MAGI2: variants seen among roughly 807,000 people sequenced by gnomAD.
MAGI2 encodes the protein membrane associated guanylate kinase, WW and PDZ domain containing 2, also known as membrane-associated guanylate kinase, WW and PDZ domain-containing protein 2.
In MAGI2, 35 loss-of-function variants were observed where a neutral mutation model predicts 133.3. The observed-to-expected ratio is 0.26, with a 90% CI of 0.20 to 0.35. The LOEUF (loss-of-function observed/expected upper bound fraction) is 0.35. MAGI2 is among the 10% of genes least tolerant of loss of function. The probability of loss-of-function intolerance (pLI) is 1.00; values close to 1 mark genes in which losing one functional copy is unlikely to be tolerated. For missense variants in MAGI2, 1,636 were observed against 1,863.4 expected (o/e 0.88, Z 2.25); for synonymous variants, 729 against 710.6 (o/e 1.03, Z -0.41).
chr7:78,595,525 A>G (rs1168811980), intron 3 of MAGI2, among the ~76,000 whole-genome samples: 2 of 152,204 alleles, frequency 1.3e-5, no homozygotes, highest in African/African-American at 4.8e-5. Context: ...TTTCAGAGAT[A>G]TTATGATCAA....
intron 1 of MAGI2, among the ~76,000 whole-genome samples, chr7:79,161,205 A>C (rs959235703): frequency 6.6e-6 from 1 of 152,028 alleles, no homozygotes; most frequent in African/African-American, 2.4e-5. Context: ...ACCCCTTTCC[A>C]GTACTATAAA....
At chr7:79,329,623 A>C (rs2129089006) in intron 1 of MAGI2, among the ~76,000 whole-genome samples, 1 of 152,326 alleles carries the variant, frequency 6.6e-6, no homozygotes. Flanking sequence ...TAATACTGGC[A>C]ATATAATTAC....
At chr7:79,087,602 A>C (rs1816635711) in intron 1 of MAGI2, among the ~76,000 whole-genome samples, 1 of 151,464 alleles carries the variant, frequency 6.6e-6, no homozygotes, top group Non-Finnish European at 1.5e-5. Context: ...TTAAAAGTGG[A>C]AGATTCTAGG....
At chr7:79,230,863 T>A (rs1297508247) in intron 1 of MAGI2, among the ~76,000 whole-genome samples, 3 of 145,172 alleles carry the variant, frequency 2.1e-5, no homozygotes, top group African/African-American at 7.6e-5. Context: ...ATGAAGTCCT[T>A]GCCCATGCCT....
At chr7:78,782,667 T>A (rs1826492077) in intron 2 of MAGI2, among the ~76,000 whole-genome samples, 1 of 151,988 alleles carries the variant, frequency 6.6e-6, no homozygotes. Flanking sequence ...TGAGAAAGAC[T>A]GTCAGAAATA....
At chr7:78,887,677 T>A (rs558908652) in intron 2 of MAGI2, among the ~76,000 whole-genome samples, 85 of 152,226 alleles carry the variant, frequency 5.6e-4, no homozygotes, top group Middle Eastern at 3.2e-3. Context: ...GCAATATAAT[T>A]ATTGTTTTAT....
intron 21 of MAGI2, among the ~76,000 whole-genome samples, chr7:78,051,271 G>A (rs543210605): frequency 6.6e-6 from 1 of 152,304 alleles, no homozygotes; most frequent in Admixed American, 6.5e-5. Flanking sequence ...AAGCTCCGAG[G>A]TGCTGGAGAG....
At chr7:78,188,636 TA>T (rs778767989) in intron 12 of MAGI2, among the ~76,000 whole-genome samples, 12 of 152,104 alleles carry the variant, frequency 7.9e-5, no homozygotes, top group African/African-American at 2.9e-4. Flanking sequence ...ACGTGGGGGG[TA>T]CTTTAATGCC....
In MAGI2 at chr7:79,215,898, C is replaced by CAT. The variant is rs147802720; in HGVS notation, c.302-208694_302-208693dup. ...TTACTTTTTGGTTTACACATTTTTA[C>CAT]ATATATATATATTCCATGACATGGA... On this transcript the variant is annotated intron_variant, in intron 1 of 21. Coordinates refer to ENST00000354212, the MANE Select transcript of MAGI2 (RefSeq NM_012301.4). 2.2e-4 allele frequency among the ~76,000 whole-genome samples: 34 copies of CAT among 151,594 alleles called. No individual in the cohort carries two copies. The East Asian group carries it at 4.3e-3, about 19-fold the overall frequency.
chr7:78,132,799 C>T, intron 18 of MAGI2, 90 bp downstream of exon 18: 1 of 1,573,060 alleles, frequency 6.4e-7, no homozygotes, highest in African/African-American at 1.4e-5. Context: ...AAAAGTCTCT[C>T]TCTCTGCCTG....
rs761086187 is a variant in MAGI2, at chr7:78,521,514, T to C, written c.670A>G (p.Met224Val). The C allele has an allele frequency of 1.2e-6, 2 of 1,614,158 alleles. No homozygotes were observed. Reference protein sequence around the residue: ...KRKRNKSVSNMEKASIEPPEE... With the variant: ...KRKRNKSVSNVEKASIEPPEE... ...GGAGGCTCTATACTGGCTTTCTCCA[T>C]GTTGCTCACTGATTTATTCCTCTTC... Residue 224 changes from methionine (M) to valine (V), a missense_variant, in exon 4 of 22, where the codon ATG becomes GTG. Met to Val is a conservative substitution (Grantham distance 21, BLOSUM62 1). Transcript: ENST00000354212.
At chr7:78,996,849 T>C (rs1806354971) in intron 2 of MAGI2, among the ~76,000 whole-genome samples, 1 of 152,164 alleles carries the variant, frequency 6.6e-6, no homozygotes, top group African/African-American at 2.4e-5. Context: ...AAGAAAATTA[T>C]TGTTTAGAGA....
chr7:79,391,026 C>T (rs62458988), intron 1 of MAGI2, among the ~76,000 whole-genome samples: 23,809 of 152,066 alleles, frequency 0.16, 2,131 homozygotes, highest in African/African-American at 0.23. Context: ...GAACTCAATA[C>T]ACGAAATGTA....
Position 78,655,284 on chromosome 7 carries a change from C to G in MAGI2, c.419-28045G>C, listed in dbSNP as rs1245923569. ...ATCAAGGCCCTGAGGCTGACTTTGT[C>G]ACCTCCAATATGATCTACCTCAGCA... On this transcript the variant is annotated intron_variant, in intron 2 of 21. Transcript: ENST00000354212. Among the ~76,000 whole-genome samples the G allele has an allele frequency of 4.0e-5, 6 of 151,762 alleles. No individual in the cohort carries two copies. The East Asian group carries it at 9.7e-4, about 25-fold the overall frequency.
chr7:79,068,312 G>A (rs1055030952), intron 1 of MAGI2, among the ~76,000 whole-genome samples: 5 of 152,020 alleles, frequency 3.3e-5, no homozygotes, highest in East Asian at 3.9e-4. Context: ...GGGATTCAAC[G>A]TCTTCCTGGT....
At chr7:78,773,108 T>G (rs1189769790) in intron 2 of MAGI2, among the ~76,000 whole-genome samples, 1 of 152,120 alleles carries the variant, frequency 6.6e-6, no homozygotes, top group Non-Finnish European at 1.5e-5. Flanking sequence ...ATCAGATAAT[T>G]TGTGAGCTTT....
intron 9 of MAGI2, among the ~76,000 whole-genome samples, chr7:78,278,596 C>A (rs1795268579): frequency 6.6e-6 from 1 of 152,112 alleles, no homozygotes; most frequent in Non-Finnish European, 1.5e-5. Flanking sequence ...CTCGATGTTG[C>A]TTGGTAAATA....
intron 1 of MAGI2, among the ~76,000 whole-genome samples, chr7:79,358,743 C>G (rs1473307220): frequency 6.6e-6 from 1 of 152,128 alleles, no homozygotes; most frequent in East Asian, 1.9e-4. Context: ...ACCTTTTACT[C>G]CCTCTGGAAC....
intron 2 of MAGI2, among the ~76,000 whole-genome samples, chr7:78,889,238 C>G (rs1000267120): frequency 5.3e-5 from 8 of 152,136 alleles, no homozygotes; most frequent in African/African-American, 1.9e-4. Context: ...GTGAGAAGAC[C>G]AAATCTACGT....
Sources: allele counts gnomAD v4.1 joint callset (sites outside exome capture counted in the v4.1 genomes callset), GRCh38; gene constraint gnomAD v4.1.1; transcripts MANE v1.5; gene names NCBI Gene and HGNC (gene_info 2026-07-23, HGNC 2026-07-21).